The following RBFOX1 variants were observed in gnomAD, a reference collection of about 807,000 sequenced individuals.
The protein encoded by RBFOX1 is RNA binding fox-1 homolog 1, also known as RNA binding protein fox-1 homolog 1.
Under a neutral mutation model 57.7 loss-of-function variants are expected in RBFOX1, and 8 were observed. The ratio of observed to expected loss-of-function variants is 0.14; its 90% CI spans 0.08 to 0.25. RBFOX1 has a LOEUF of 0.25. Among genes scored for constraint, RBFOX1 ranks in the 10% least tolerant of loss-of-function variants. RBFOX1 has a pLI of 1.00. For synonymous variants in RBFOX1, 326 were observed against 222.4 expected, an observed-to-expected ratio of 1.47 and a Z score of -4.15; for missense variants, 611 against 548.5, an observed-to-expected ratio of 1.11 and a Z score of -1.14.
At chr16:7,069,197 A>T (rs868614761) in intron 4 of RBFOX1, among the ~76,000 whole-genome samples, 1 of 152,026 alleles carries the variant, frequency 6.6e-6, no homozygotes, top group Admixed American at 6.6e-5. Context: ...TTATTTTTTA[A>T]TTATTGTTTT....
chr16:7,373,934 C>T (rs1319995506), intron 4 of RBFOX1, among the ~76,000 whole-genome samples: 1 of 152,154 alleles, frequency 6.6e-6, no homozygotes, highest in Admixed American at 6.5e-5. Flanking sequence ...CGTAGCAGCC[C>T]TTTGCAATGA....
intron 4 of RBFOX1, among the ~76,000 whole-genome samples, chr16:7,056,707 G>A (rs2052405691): frequency 6.6e-6 from 1 of 152,168 alleles, no homozygotes; most frequent in Non-Finnish European, 1.5e-5. Context: ...TGATTACAAA[G>A]GGATCTTTGT....
chr16:6,256,934 C>T (rs988760833), intron 1 of RBFOX1, among the ~76,000 whole-genome samples: 2 of 152,054 alleles, frequency 1.3e-5, no homozygotes, highest in Admixed American at 1.3e-4. Context: ...TGGAGAAGTC[C>T]TAATAATGTG....
chr16:7,356,214 T>A (rs921121394), intron 4 of RBFOX1, among the ~76,000 whole-genome samples: 1 of 152,182 alleles, frequency 6.6e-6, no homozygotes, highest in Non-Finnish European at 1.5e-5. Context: ...AATACAGCAC[T>A]GAATAGTGAG....
chr16:6,673,778 A>G (rs2098783114), intron 3 of RBFOX1, among the ~76,000 whole-genome samples: 1 of 152,198 alleles, frequency 6.6e-6, no homozygotes, highest in Non-Finnish European at 1.5e-5. Flanking sequence ...TAAGTCGCAT[A>G]TTCCTACTCA....
intron 1 of RBFOX1, among the ~76,000 whole-genome samples, chr16:5,291,133 G>C (rs1390169554): frequency 6.6e-6 from 1 of 152,162 alleles, no homozygotes; most frequent in Non-Finnish European, 1.5e-5. Flanking sequence ...AACTTCACAC[G>C]AGTGGTCCCA....
chr16:5,393,323 C>A (rs1032262644), intron 1 of RBFOX1, among the ~76,000 whole-genome samples: 2 of 152,176 alleles, frequency 1.3e-5, no homozygotes, highest in African/African-American at 2.4e-5. Context: ...CTGTCTCAAG[C>A]CGAATACTTG....
At chr16:5,753,653 T>C (rs768550037) in intron 3 of RBFOX1, among the ~76,000 whole-genome samples, 1 of 152,108 alleles carries the variant, frequency 6.6e-6, no homozygotes, top group Non-Finnish European at 1.5e-5. Context: ...AAATTGGCCA[T>C]AGAGGGAGTA....
chr16:6,836,926 C>T (rs1005228597), intron 3 of RBFOX1, among the ~76,000 whole-genome samples: 2 of 152,088 alleles, frequency 1.3e-5, no homozygotes, highest in African/African-American at 2.4e-5. Flanking sequence ...GAGTGTGACA[C>T]ACATTACTTC....
intron 1 of RBFOX1, among the ~76,000 whole-genome samples, chr16:5,368,457 A>G: frequency 6.6e-6 from 1 of 152,220 alleles, no homozygotes; most frequent in East Asian, 1.9e-4. Flanking sequence ...ATAATAAGGA[A>G]AATAGCCTAC....
intron 4 of RBFOX1, among the ~76,000 whole-genome samples, chr16:7,457,425 G>A (rs113155131): frequency 0.019 from 2,909 of 152,214 alleles, 33 homozygotes; most frequent in Middle Eastern, 0.041. Context: ...TTAGTGTTGC[G>A]TGGATTGAAA....
chr16:6,124,707 C>T (rs894182621), intron 1 of RBFOX1, among the ~76,000 whole-genome samples: 3 of 151,848 alleles, frequency 2.0e-5, no homozygotes, highest in Non-Finnish European at 4.4e-5. Flanking sequence ...TTTGTATTTT[C>T]AGTAGAGACG....
intron 1 of RBFOX1, among the ~76,000 whole-genome samples, chr16:6,215,290 GGAGAGGGA>G (rs1183621062): frequency 4.3e-5 from 6 of 137,988 alleles, no homozygotes; most frequent in South Asian, 5.1e-4. Flanking sequence ...AAAAGGAGAG[GGAGAGGGA>G]GAGAGGGAGA....
chr16:5,750,665 C>A (rs1465853663), intron 3 of RBFOX1, among the ~76,000 whole-genome samples: 1 of 152,204 alleles, frequency 6.6e-6, no homozygotes, highest in Non-Finnish European at 1.5e-5. Flanking sequence ...ACCCTCTGAG[C>A]CAGGCATGGG....
At chr16:7,252,259 A>G (rs976903689) in intron 4 of RBFOX1, among the ~76,000 whole-genome samples, 2 of 152,200 alleles carry the variant, frequency 1.3e-5, no homozygotes, top group African/African-American at 4.8e-5. Flanking sequence ...CGTTCATTCA[A>G]AACTTTAAAT....
intron 4 of RBFOX1, among the ~76,000 whole-genome samples, chr16:7,306,516 C>G (rs1603617042): frequency 6.6e-6 from 1 of 151,994 alleles, no homozygotes; most frequent in African/African-American, 2.4e-5. Context: ...CCTGAAAGGA[C>G]TTGCACTGCT....
intron 2 of RBFOX1, among the ~76,000 whole-genome samples, chr16:6,601,182 AG>A (rs1164936970): frequency 9.2e-5 from 14 of 152,312 alleles, no homozygotes; most frequent in African/African-American, 3.4e-4. Flanking sequence ...TATCCAACTT[AG>A]TACTTGTTTT....
chr16:5,551,282 C>G (rs914836541), intron 2 of RBFOX1, among the ~76,000 whole-genome samples: 9 of 152,190 alleles, frequency 5.9e-5, no homozygotes, highest in African/African-American at 1.7e-4. Context: ...TAGTTACTTA[C>G]TTATCGAACA....
At chr16:7,023,420 A>T (rs1237364571) in intron 3 of RBFOX1, among the ~76,000 whole-genome samples, 2 of 151,402 alleles carry the variant, frequency 1.3e-5, no homozygotes, top group Admixed American at 6.6e-5. Context: ...AGATCATGTC[A>T]TTGAATTCTA....
Sources: gnomAD v4.1 joint callset for allele counts (sites outside exome capture counted in the v4.1 genomes callset) on GRCh38, gnomAD v4.1.1 for gene constraint, MANE v1.5 for transcripts, NCBI Gene and HGNC (gene_info 2026-07-23, HGNC 2026-07-21) for gene names.